The following STOX2 variants were observed in gnomAD, a reference collection of about 807,000 sequenced individuals.
STOX2 encodes storkhead box 2, also known as storkhead-box protein 2.
In STOX2, 28 loss-of-function variants were observed where a neutral mutation model predicts 60.9. The ratio of observed to expected loss-of-function variants is 0.46; its 90% CI spans 0.34 to 0.63. The LOEUF is 0.63. STOX2 is among the 30% of genes least tolerant of loss of function. The pLI is 0.01. For synonymous variants in STOX2, 472 were observed against 463.9 expected (o/e 1.02, Z -0.22); for missense variants, 1,024 against 1,187.7 (o/e 0.86, Z 2.03).
chr4:183,833,228 G>A (rs945313019), intron 1 of STOX2, among the ~76,000 whole-genome samples: 3 of 152,140 alleles, frequency 2.0e-5, no homozygotes, highest in East Asian at 1.9e-4. Context: ...TTGTAGGAGC[G>A]TTTGTGCTTT....
In STOX2 at chr4:184,009,154, T is replaced by TC. The variant is rs1734021095; in HGVS notation, c.320-3dup. ...ACAAGTGGTTTTTTTTTTTTTTTTT[T>TC]CAGGTGTTCCAACGCCAAGCCAAGA... is the stretch of plus-strand genomic sequence containing the variant. On this transcript the variant is annotated splice_region_variant and splice_polypyrimidine_tract_variant and intron_variant, in intron 2 of 3. Coordinates refer to ENST00000308497, the MANE Select transcript of STOX2 (RefSeq NM_020225.3). The surrounding 1 kb of genome is among the most constrained non-coding windows in gnomAD (Gnocchi z 4.0). 3 of 1,470,488 alleles carry TC rather than the reference T, an allele frequency of 2.0e-6. No individual in the cohort carries two copies. The highest frequency in any genetic ancestry group is 5.0e-5 in the Admixed American group (2 of 39,838). The allele number at this position is 1,470,488 out of a possible 1,614,324, so 91.1% of individuals were successfully genotyped here.
At chr4:183,902,077 T>C (rs1741474883), upstream of STOX2, among the ~76,000 whole-genome samples, 1 of 152,256 alleles carries the variant, frequency 6.6e-6, no homozygotes, top group Non-Finnish European at 1.5e-5. Context: ...CTATTGGGCC[T>C]TTAGTAGTCA....
intron 1 of STOX2, among the ~76,000 whole-genome samples, chr4:183,842,774 C>T (rs1739892520): frequency 6.6e-6 from 1 of 151,836 alleles, no homozygotes; most frequent in Non-Finnish European, 1.5e-5. Flanking sequence ...GCCTTTGAAA[C>T]TTGCTTGACA....
At chr4:183,858,597 AGAAGGAAGGAAG>A (rs146831784) in intron 1 of STOX2, among the ~76,000 whole-genome samples, 1 of 151,968 alleles carries the variant, frequency 6.6e-6, no homozygotes, top group Non-Finnish European at 1.5e-5. Flanking sequence ...AAAAAGAGAA[AGAAGGAAGGAAG>A]GAAGGAAGGA....
intron 1 of STOX2, among the ~76,000 whole-genome samples, chr4:183,981,135 G>A (rs1333853074): frequency 6.6e-6 from 1 of 152,222 alleles, no homozygotes; most frequent in Non-Finnish European, 1.5e-5. Context: ...AGGGATTGGG[G>A]CCATACACTG....
chr4:183,899,670 T>A (rs1039761057), intron 1 of STOX2, among the ~76,000 whole-genome samples: 1 of 151,984 alleles, frequency 6.6e-6, no homozygotes, highest in African/African-American at 2.4e-5. Context: ...CTAGCAGAGG[T>A]TGGTTCATGA....
Position 184,010,761 on chromosome 4 carries a change from G to T in STOX2, c.1923G>T (p.Arg641Ser). 6.3e-7 allele frequency: 1 copy of T among 1,583,584 alleles called. No individual in the cohort carries two copies. Among genetic ancestry groups the T allele is most frequent in the Non-Finnish European group, 8.6e-7 (1 of 1,165,516 alleles). ...TGAAAAAGCTCTCCCCTTCTGATAG[G>T]CAGGTCCCCCACTCCTCCAGGGAGC... is the stretch of plus-strand genomic sequence containing the variant. ...EGVKKLSPSD[R>S]QVPHSSREPV... Residue 641 changes from arginine to serine, a missense_variant, in exon 3 of 4, where the codon AGG becomes AGT. Around this residue, in one of 3 missense-constraint regions of STOX2, gnomAD observed 922 missense variants for 1,058.3 expected, o/e 0.87. Coordinates refer to ENST00000308497, the MANE Select transcript of STOX2 (RefSeq NM_020225.3). This position sits in a 1 kb window ranked among gnomAD's most constrained non-coding sequence, Gnocchi z 4.5.
In STOX2 at chr4:183,906,421, G is replaced by C. The variant is rs533070505; in HGVS notation, c.-370G>C. The C allele has an allele frequency of 2.8e-3, 499 of 180,708 alleles. 1 individual carries two copies. The highest frequency in any genetic ancestry group is 0.011 in the African/African-American group (474 of 42,400). The allele number at this position is 180,708 out of a possible 1,614,324, so 11.2% of individuals were successfully genotyped here. On this transcript the variant is annotated 5_prime_UTR_variant, in exon 1 of 4. Coordinates refer to ENST00000308497, the MANE Select transcript of STOX2 (RefSeq NM_020225.3). ...TGCGCTGAATCGGGCCATTGTCTGCGCTCCCATTGCCTTCACGCTGCAAGT... is the reference window on the plus strand; with the variant it reads ...TGCGCTGAATCGGGCCATTGTCTGCCCTCCCATTGCCTTCACGCTGCAAGT...
At chr4:183,815,573 A>T (rs556551847) in intron 1 of STOX2, among the ~76,000 whole-genome samples, 33 of 152,322 alleles carry the variant, frequency 2.2e-4, no homozygotes, top group African/African-American at 7.5e-4. Context: ...TAGCTCTTTG[A>T]CAAGCAAGAG....
intron 1 of STOX2, among the ~76,000 whole-genome samples, chr4:183,835,038 CAT>C (rs1237992018): frequency 6.6e-6 from 1 of 151,912 alleles, no homozygotes; most frequent in African/African-American, 2.4e-5. Flanking sequence ...GGAGAGGAAA[CAT>C]AGTGTCTTGA....
At chr4:183,828,334 G>A (rs558507580) in intron 1 of STOX2, among the ~76,000 whole-genome samples, 1 of 152,254 alleles carries the variant, frequency 6.6e-6, no homozygotes, top group Non-Finnish European at 1.5e-5. Flanking sequence ...GACAGGGCTG[G>A]GGAAGGTGGG....
chr4:183,961,888 C>T (rs1375872962), intron 1 of STOX2, among the ~76,000 whole-genome samples: 2 of 152,246 alleles, frequency 1.3e-5, no homozygotes, highest in African/African-American at 4.8e-5. Context: ...ATTCTATCTC[C>T]TGGCACAAAT....
intron 1 of STOX2, among the ~76,000 whole-genome samples, chr4:183,840,912 G>A (rs559092351): frequency 6.6e-6 from 1 of 152,298 alleles, no homozygotes; most frequent in African/African-American, 2.4e-5. Flanking sequence ...CTGTTGCCCA[G>A]GCTGGAGTGC....
chr4:183,860,442 C>CAAAAAAAAAA lies in STOX2; in HGVS notation c.364+62394_364+62403dup, dbSNP rs35753992. Among the ~76,000 whole-genome samples the CAAAAAAAAAA allele has an allele frequency of 3.4e-3, 412 of 119,984 alleles. 1 individual carries two copies. Among genetic ancestry groups the CAAAAAAAAAA allele is most frequent in the Non-Finnish European group, 4.9e-3 (283 of 57,510 alleles). 78.7% of individuals were successfully genotyped at this position (119,984 alleles called of 152,430 possible). A position where few individuals can be genotyped will look rare whatever the true frequency, so the allele number is the denominator to read the frequency against. On this transcript the variant is annotated intron_variant, in intron 1 of 2. Coordinates refer to the STOX2 transcript ENST00000513034. ...AACAAAACAAACAAAAAACAAAAAA[C>CAAAAAAAAAA]AAAAAAAAAAAAAAAAGAAGAAAAA...
intron 1 of STOX2, among the ~76,000 whole-genome samples, chr4:183,869,201 A>G (rs950340412): frequency 1.3e-5 from 2 of 152,242 alleles, no homozygotes; most frequent in Non-Finnish European, 2.9e-5. Flanking sequence ...TGCTATCTTT[A>G]TAACACAATT....
chr4:183,932,441 A>AT (rs1220329423), intron 1 of STOX2, among the ~76,000 whole-genome samples: 7 of 125,968 alleles, frequency 5.6e-5, no homozygotes, highest in African/African-American at 2.5e-4. Context: ...GTATACATAC[A>AT]GTATATGTAT....
At chr4:183,924,719 G>C (rs148924692) in intron 1 of STOX2, among the ~76,000 whole-genome samples, 6 of 152,230 alleles carry the variant, frequency 3.9e-5, no homozygotes, top group African/African-American at 1.4e-4. Flanking sequence ...CTGATAGGCC[G>C]GCAGTGGATA....
At position 183,900,190 on chromosome 4, in the gene STOX2, T is replaced by G. The variant is rs541461640; in HGVS notation, c.365-101135T>G. ...TATTATTGCTTATTGACAATATACT[T>G]CAGTGACAGTGATCACTGAAGAGCT... On this transcript the variant is annotated intron_variant, in intron 1 of 2. Transcript: ENST00000513034. Among the ~76,000 whole-genome samples, 3 of 152,316 alleles carry G rather than the reference T, an allele frequency of 2.0e-5. No homozygotes were observed. The East Asian group carries it at 5.8e-4, about 29-fold the overall frequency.
At chr4:183,841,461 C>T (rs1396824085) in intron 1 of STOX2, among the ~76,000 whole-genome samples, 2 of 152,170 alleles carry the variant, frequency 1.3e-5, no homozygotes, top group Non-Finnish European at 2.9e-5. Flanking sequence ...GATGCTCCCT[C>T]CTCGGCCTCC....
Sources: gnomAD v4.1 joint callset for allele counts (sites outside exome capture counted in the v4.1 genomes callset) on GRCh38, gnomAD v4.1.1 for gene constraint, gnomAD v4.1.1 regional missense constraint, Gnocchi (gnomAD v3.1) non-coding constraint, MANE v1.5 for transcripts, NCBI Gene and HGNC (gene_info 2026-07-23, HGNC 2026-07-21) for gene names.